The following CCDC102B variants were observed in gnomAD, a reference collection of about 807,000 sequenced individuals.
The protein encoded by CCDC102B is coiled-coil domain containing 102B, also known as coiled-coil domain-containing protein 102B.
CCDC102B carries 75 observed loss-of-function variants against 57.4 expected under a neutral mutation model. That is an observed-to-expected ratio of 1.31 (90% CI 1.08 to 1.58). CCDC102B has a LOEUF of 1.58. Among genes scored for constraint, CCDC102B ranks in the 40% most tolerant of loss-of-function variants. CCDC102B has a pLI of 0.00. For missense variants in CCDC102B, 636 were observed against 582.6 expected (o/e 1.09, Z -0.94); for synonymous variants, 206 against 201.9 (o/e 1.02, Z -0.17).
intron 6 of CCDC102B, among the ~76,000 whole-genome samples, chr18:68,961,074 T>C (rs2050036278): frequency 6.6e-6 from 1 of 152,152 alleles, no homozygotes; most frequent in Admixed American, 6.5e-5. Context: ...CAGAAAACTA[T>C]GGTTGAATAT....
intron 6 of CCDC102B, among the ~76,000 whole-genome samples, chr18:68,921,077 T>G (rs574948558): frequency 2.0e-5 from 3 of 152,270 alleles, no homozygotes; most frequent in African/African-American, 2.4e-5. Flanking sequence ...CTTCACCTAC[T>G]TAGTTATGAA....
intron 6 of CCDC102B, among the ~76,000 whole-genome samples, chr18:68,965,920 C>T (rs1354403677): frequency 6.6e-6 from 1 of 152,078 alleles, no homozygotes; most frequent in East Asian, 1.9e-4. Context: ...TCCAAATTCT[C>T]CACTCAGTTT....
At chr18:68,717,637 A>G (rs980512121) in intron 2 of CCDC102B, among the ~76,000 whole-genome samples, 1 of 152,212 alleles carries the variant, frequency 6.6e-6, no homozygotes, top group African/African-American at 2.4e-5. Flanking sequence ...CTAAATTTAC[A>G]TATGCTGGAA....
chr18:68,785,701 T>G (rs1356514906), intron 2 of CCDC102B, among the ~76,000 whole-genome samples: 48 of 146,688 alleles, frequency 3.3e-4, no homozygotes, highest in South Asian at 6.7e-4. Context: ...TAAATTTGTT[T>G]GAGTTCATTG....
intron 6 of CCDC102B, among the ~76,000 whole-genome samples, chr18:68,933,491 C>T (rs910577219): frequency 1.3e-5 from 2 of 151,872 alleles, no homozygotes; most frequent in African/African-American, 4.8e-5. Flanking sequence ...AATCTGGTAA[C>T]ATTTGACTTT....
intron 6 of CCDC102B, among the ~76,000 whole-genome samples, chr18:68,919,667 A>G (rs2041204789): frequency 6.6e-6 from 1 of 152,124 alleles, no homozygotes; most frequent in African/African-American, 2.4e-5. Flanking sequence ...GCTACAAAAA[A>G]CTTTTCTTTA....
At chr18:68,877,257 A>C (rs1311207069) in intron 5 of CCDC102B, among the ~76,000 whole-genome samples, 1 of 152,222 alleles carries the variant, frequency 6.6e-6, no homozygotes, top group Non-Finnish European at 1.5e-5. Flanking sequence ...TGGGAAAAGA[A>C]GGGACTGTAT....
chr18:68,897,641 T>C, intron 6 of CCDC102B: 1 of 1,482,342 alleles, frequency 6.7e-7, no homozygotes, highest in South Asian at 1.2e-5. Context: ...TGACAAATCT[T>C]CAGACAGTTT....
At chr18:69,018,238 C>T (rs548849326) in intron 7 of CCDC102B, among the ~76,000 whole-genome samples, 3 of 152,276 alleles carry the variant, frequency 2.0e-5, no homozygotes, top group Admixed American at 6.5e-5. Flanking sequence ...ATATACACAA[C>T]GTGTGTATAC....
intron 6 of CCDC102B, among the ~76,000 whole-genome samples, chr18:68,923,891 T>C (rs1238285539): frequency 6.6e-6 from 1 of 152,048 alleles, no homozygotes; most frequent in African/African-American, 2.4e-5. Flanking sequence ...GGTTTTAAAT[T>C]ACCAACTATG....
At chr18:68,727,602 CT>C (rs2145196385) in intron 2 of CCDC102B, among the ~76,000 whole-genome samples, 1 of 152,330 alleles carries the variant, frequency 6.6e-6, no homozygotes. Context: ...GAAAAGCCAT[CT>C]GAAGACTTGG....
intron 7 of CCDC102B, among the ~76,000 whole-genome samples, chr18:69,053,337 T>C (rs2052754282): frequency 6.7e-6 from 1 of 149,508 alleles, no homozygotes; most frequent in African/African-American, 2.4e-5. Context: ...TATATATATA[T>C]ACACTTAGCA....
chr18:68,858,670 C>T (rs568900027), intron 4 of CCDC102B, among the ~76,000 whole-genome samples: 1 of 152,096 alleles, frequency 6.6e-6, no homozygotes, highest in African/African-American at 2.4e-5. Flanking sequence ...CTCAGTTTTC[C>T]AGTGTTATTC....
intron 4 of CCDC102B, among the ~76,000 whole-genome samples, chr18:68,873,090 T>A (rs893823010): frequency 6.6e-6 from 1 of 152,196 alleles, no homozygotes; most frequent in African/African-American, 2.4e-5. Flanking sequence ...CCAAAACTGG[T>A]TGCTTTCATT....
chr18:68,927,719 C>A (rs1568335187), intron 6 of CCDC102B, among the ~76,000 whole-genome samples: 1 of 151,870 alleles, frequency 6.6e-6, no homozygotes, highest in Non-Finnish European at 1.5e-5. Context: ...ACAGAAATTA[C>A]CCAATGCACT....
At chr18:68,854,024 C>T (rs1435593528) in intron 4 of CCDC102B, among the ~76,000 whole-genome samples, 1 of 151,938 alleles carries the variant, frequency 6.6e-6, no homozygotes, top group Non-Finnish European at 1.5e-5. Context: ...AAAATGGTTC[C>T]GTTCAAAAAT....
At chr18:68,788,731 G>A (rs1326513968) in intron 2 of CCDC102B, among the ~76,000 whole-genome samples, 41 of 150,506 alleles carry the variant, frequency 2.7e-4, no homozygotes, top group Non-Finnish European at 4.3e-4. Context: ...GTCTCTGCAC[G>A]TGAGATGGGT....
At chr18:68,799,609 T>A (rs1263871362) in intron 1 of CCDC102B, among the ~76,000 whole-genome samples, 1 of 152,170 alleles carries the variant, frequency 6.6e-6, no homozygotes, top group East Asian at 1.9e-4. Flanking sequence ...GAAATTCCCT[T>A]TTTAGCAGGT....
At chr18:69,018,475 AGTGT>A (rs2051733948) in intron 7 of CCDC102B, among the ~76,000 whole-genome samples, 1 of 152,144 alleles carries the variant, frequency 6.6e-6, no homozygotes, top group Non-Finnish European at 1.5e-5. Context: ...CATCTTGAAA[AGTGT>A]GAGGTCATGT....
Sources: gnomAD v4.1 joint callset for allele counts (sites outside exome capture counted in the v4.1 genomes callset) on GRCh38, gnomAD v4.1.1 for gene constraint, MANE v1.5 for transcripts, NCBI Gene and HGNC (gene_info 2026-07-23, HGNC 2026-07-21) for gene names.